SGK1: variants seen among roughly 807,000 people sequenced by gnomAD.
SGK1 encodes serine/threonine-protein kinase Sgk1.
SGK1 carries 26 observed loss-of-function variants against 64.2 expected under a neutral mutation model. The observed-to-expected ratio is 0.40, with a 90% CI of 0.30 to 0.56. The LOEUF (loss-of-function observed/expected upper bound fraction) is 0.56, where lower values mean the gene tolerates loss of function less well. SGK1 is among the 20% of genes least tolerant of loss of function. SGK1 has a pLI of 0.38. For synonymous variants in SGK1, 265 were observed against 239.7 expected (o/e 1.11, Z -0.98); for missense variants, 519 against 645.6 (o/e 0.80, Z 2.12).
At chr6:134,314,862 A>G (rs1777656034) in intron 1 of SGK1, among the ~76,000 whole-genome samples, 1 of 151,600 alleles carries the variant, frequency 6.6e-6, no homozygotes, top group African/African-American at 2.4e-5. Flanking sequence ...TCACTTTGTA[A>G]GACTGTCTAG....
intron 3 of SGK1, among the ~76,000 whole-genome samples, chr6:134,192,860 G>A (rs1775537449): frequency 6.6e-6 from 1 of 152,000 alleles, no homozygotes; most frequent in Admixed American, 6.6e-5. Flanking sequence ...CGCCCTCCTG[G>A]TCCACCCACT....
At position 134,174,548 on chromosome 6, in the gene SGK1, T is replaced by C; in HGVS notation, c.400A>G (p.Ile134Val). 1 of 1,613,952 alleles carries C rather than the reference T, an allele frequency of 6.2e-7. No individual in the cohort carries two copies. Among genetic ancestry groups the C allele is most frequent in the Non-Finnish European group, 8.5e-7 (1 of 1,179,788 alleles). ...TAGGAGTTATTGGCAATCTTCTGAATAAAGTCGTTCAGACCCATCCTCCTC... is the reference window on the plus strand; with the variant it reads ...TAGGAGTTATTGGCAATCTTCTGAACAAAGTCGTTCAGACCCATCCTCCTC... ...KQRRMGLNDF[I>V]QKIANNSYAC... Residue 134 changes from isoleucine to valine, a missense_variant, in exon 4 of 14, where the codon ATT (isoleucine) becomes GTT (valine). This residue lies in a region of SGK1 where 241 missense variants were observed against 236.9 expected (regional missense o/e 1.02). Transcript: ENST00000367858.
chr6:134,264,990 G>T (rs1419724090), intron 1 of SGK1, among the ~76,000 whole-genome samples: 1 of 152,082 alleles, frequency 6.6e-6, no homozygotes, highest in Non-Finnish European at 1.5e-5. Flanking sequence ...AACTAAAATT[G>T]CAATAGCAAT....
At chr6:134,184,372 G>C (rs1043495507) in intron 3 of SGK1, among the ~76,000 whole-genome samples, 13 of 151,792 alleles carry the variant, frequency 8.6e-5, no homozygotes, top group Non-Finnish European at 1.5e-4. Flanking sequence ...GGGCGTGGTG[G>C]TGCGCGCCTG....
intron 1 of SGK1, among the ~76,000 whole-genome samples, chr6:134,289,776 C>T (rs1279272519): frequency 2.0e-5 from 3 of 151,956 alleles, no homozygotes; most frequent in African/African-American, 4.8e-5. Flanking sequence ...GAGGCTGAGG[C>T]GAGCGGATCA....
intron 3 of SGK1, among the ~76,000 whole-genome samples, chr6:134,193,013 T>A (rs1472184882): frequency 6.6e-6 from 1 of 152,256 alleles, no homozygotes; most frequent in African/African-American, 2.4e-5. Context: ...TTTCTTCAGA[T>A]GTTAAAAATT....
intron 1 of SGK1, among the ~76,000 whole-genome samples, chr6:134,266,901 G>C (rs1776862700): frequency 6.6e-6 from 1 of 152,042 alleles, no homozygotes; most frequent in East Asian, 1.9e-4. Flanking sequence ...GATAGTTTTG[G>C]GCTTGAAGTC....
At chr6:134,239,981 C>T (rs1297508347) in intron 2 of SGK1, among the ~76,000 whole-genome samples, 1 of 152,026 alleles carries the variant, frequency 6.6e-6, no homozygotes, top group African/African-American at 2.4e-5. Context: ...CATCAGGGCA[C>T]AGAAAGCCCT....
rs538087614 is a variant in SGK1 at position 134,265,590 on chromosome 6, TAC to T, written c.70-3444_70-3443del. Among the ~76,000 whole-genome samples the T allele has an allele frequency of 9.1e-3, 1,325 of 145,320 alleles. 22 individuals carry two copies. The highest frequency in any genetic ancestry group is 0.032 in the African/African-American group (1,251 of 39,644). On this transcript the variant is annotated intron_variant, in intron 1 of 13. Coordinates refer to ENST00000367858, the MANE Select transcript of SGK1 (RefSeq NM_001143676.3). Reference sequence around the variant, plus strand: ...ATATATATTTATACATATACATATATACATATACATATATATTTTATATATAT... The same window carrying T: ...ATATATATTTATACATATACATATATATATACATATATATTTTATATATAT...
chr6:134,170,507 G>C, intron 13 of SGK1, 72 bp from the exon 14 acceptor site: 1 of 1,403,736 alleles, frequency 7.1e-7, no homozygotes, highest in Non-Finnish European at 9.8e-7. Flanking sequence ...TCTTGACCAG[G>C]CTTTAAATAC....
intron 1 of SGK1, among the ~76,000 whole-genome samples, chr6:134,273,206 T>C (rs1776966581): frequency 6.8e-6 from 1 of 147,652 alleles, no homozygotes; most frequent in Non-Finnish European, 1.5e-5. Flanking sequence ...ATTGTGGTTA[T>C]GGCTTCATTC....
At chr6:134,174,861 T>C (rs536801241) in intron 3 of SGK1, 28 of 1,611,890 alleles carry the variant, frequency 1.7e-5, no homozygotes, top group Non-Finnish European at 2.0e-5. Flanking sequence ...GCTCGGCGTA[T>C]GCTGCGCCAG....
chr6:134,215,218 C>T, intron 2 of SGK1: 1 of 391,866 alleles, frequency 2.6e-6, no homozygotes, highest in Admixed American at 3.1e-5. Flanking sequence ...TGGGTTCAAG[C>T]AATTCTCGTG....
intron 1 of SGK1, among the ~76,000 whole-genome samples, chr6:134,268,616 G>A (rs1258821280): frequency 6.9e-6 from 1 of 144,936 alleles, no homozygotes; most frequent in Non-Finnish European, 1.5e-5. Context: ...CCAGCTACTC[G>A]GGAGGCTGAG....
At chr6:134,276,963 G>A (rs899993792) in intron 1 of SGK1, among the ~76,000 whole-genome samples, 2 of 152,030 alleles carry the variant, frequency 1.3e-5, no homozygotes, top group African/African-American at 4.8e-5. Flanking sequence ...GGTGGGAGGA[G>A]TGCTTGAGCC....
chr6:134,206,760 G>A (rs201462537), intron 3 of SGK1, among the ~76,000 whole-genome samples: 1 of 151,304 alleles, frequency 6.6e-6, no homozygotes, highest in Admixed American at 6.6e-5. Flanking sequence ...CCAGCTACTT[G>A]GGGGGCTGAA....
intron 2 of SGK1, among the ~76,000 whole-genome samples, chr6:134,237,009 T>A (rs1194287965): frequency 2.0e-5 from 3 of 152,144 alleles, no homozygotes; most frequent in Non-Finnish European, 2.9e-5. Flanking sequence ...ATGAACACAT[T>A]GTTGGGTGAA....
At chr6:134,219,376 TA>T (rs1313254709) in intron 2 of SGK1, among the ~76,000 whole-genome samples, 1 of 152,102 alleles carries the variant, frequency 6.6e-6, no homozygotes, top group Admixed American at 6.6e-5. Flanking sequence ...TTCGCCTATT[TA>T]AATTTCCCTC....
chr6:134,171,241 T>A (rs1775013189), intron 11 of SGK1, 63 bp from the exon 12 acceptor site: 26 of 1,459,940 alleles, frequency 1.8e-5, no homozygotes, highest in Non-Finnish European at 2.5e-5. Flanking sequence ...ACATTACCAG[T>A]AGAGAAAAAG....
Sources: gnomAD v4.1 joint callset for allele counts (sites outside exome capture counted in the v4.1 genomes callset) on GRCh38, gnomAD v4.1.1 for gene constraint, gnomAD v4.1.1 regional missense constraint, MANE v1.5 for transcripts, NCBI Gene and HGNC (gene_info 2026-07-23, HGNC 2026-07-21) for gene names.